Variants in TENM2 observed in about 807,000 individuals in gnomAD.
TENM2 encodes teneurin transmembrane protein 2.
Under a neutral mutation model 245.2 loss-of-function variants are expected in TENM2, and 52 were observed. The observed-to-expected ratio is 0.21, with a 90% CI of 0.17 to 0.27. TENM2 has a LOEUF of 0.27. Ranked by LOEUF, TENM2 falls within the 10% of genes least tolerant of loss-of-function variation. The pLI is 1.00. For missense variants in TENM2, 3,046 were observed against 3,666.8 expected, an observed-to-expected ratio of 0.83 and a Z score of 4.37; for synonymous variants, 1,363 against 1,438.9, an observed-to-expected ratio of 0.95 and a Z score of 1.19.
chr5:167,715,086 G>A (rs1759171370), intron 2 of TENM2, among the ~76,000 whole-genome samples: 1 of 152,118 alleles, frequency 6.6e-6, no homozygotes, highest in Non-Finnish European at 1.5e-5. Context: ...ACAGGACATA[G>A]CTTCTGACCT....
chr5:167,518,858 G>A (rs1359482698), intron 2 of TENM2, among the ~76,000 whole-genome samples: 1 of 152,112 alleles, frequency 6.6e-6, no homozygotes, highest in African/African-American at 2.4e-5. Context: ...TTGGGAGGAT[G>A]GGGGTACAGA....
At chr5:167,911,140 G>T (rs1776512655) in intron 3 of TENM2, among the ~76,000 whole-genome samples, 2 of 152,034 alleles carry the variant, frequency 1.3e-5, no homozygotes, top group South Asian at 4.1e-4. Flanking sequence ...TTTTACTTGG[G>T]ATGAATGTAA....
intron 2 of TENM2, among the ~76,000 whole-genome samples, chr5:167,738,128 C>G (rs1449138958): frequency 1.3e-5 from 2 of 152,230 alleles, no homozygotes; most frequent in Non-Finnish European, 2.9e-5. Context: ...GGCACTCCAG[C>G]AAATGCCTGG....
At chr5:167,831,447 A>G (rs1768477184) in intron 2 of TENM2, among the ~76,000 whole-genome samples, 1 of 148,034 alleles carries the variant, frequency 6.8e-6, no homozygotes, top group Non-Finnish European at 1.5e-5. Flanking sequence ...GAAGACGACC[A>G]CCAAGCAAGC....
chr5:167,218,966 T>C, the TENM2 span, among the ~76,000 whole-genome samples: 2 of 152,234 alleles, frequency 1.3e-5, no homozygotes. Context: ...GCAAAGATTG[T>C]AAAGCCAATC....
chr5:167,607,142 G>A (rs1251017963), intron 2 of TENM2, among the ~76,000 whole-genome samples: 2 of 152,064 alleles, frequency 1.3e-5, no homozygotes, highest in African/African-American at 4.8e-5. Context: ...GCTTCATTCG[G>A]CACTCTGAGT....
intron 2 of TENM2, among the ~76,000 whole-genome samples, chr5:167,824,197 T>G (rs2151055541): frequency 6.6e-6 from 1 of 152,292 alleles, no homozygotes; most frequent in Admixed American, 6.5e-5. Context: ...CTTCACTTCA[T>G]AAGGCCTCTT....
chr5:168,170,959 T>TC (rs1416311689), intron 13 of TENM2, among the ~76,000 whole-genome samples: 1 of 152,178 alleles, frequency 6.6e-6, no homozygotes, highest in Non-Finnish European at 1.5e-5. Flanking sequence ...TGACCTGTCC[T>TC]CCCCCATCCT....
At chr5:167,319,040 A>T (rs970056432) in intron 1 of TENM2, among the ~76,000 whole-genome samples, 4 of 152,098 alleles carry the variant, frequency 2.6e-5, no homozygotes, top group Non-Finnish European at 5.9e-5. Flanking sequence ...AGAGATTTTA[A>T]AAAAAAATCT....
intron 1 of TENM2, among the ~76,000 whole-genome samples, chr5:167,345,308 G>A (rs148294988): frequency 5.9e-5 from 9 of 152,296 alleles, no homozygotes; most frequent in Non-Finnish European, 1.2e-4. Flanking sequence ...GTGGTTGCAC[G>A]TGTCCATCAG....
chr5:168,157,291 C>T (rs1757269874), intron 12 of TENM2, among the ~76,000 whole-genome samples: 1 of 152,134 alleles, frequency 6.6e-6, no homozygotes, highest in Non-Finnish European at 1.5e-5. Flanking sequence ...TTGAGATAGG[C>T]TGATGTGGTA....
At chr5:167,994,272 A>G (rs1180988868) in intron 5 of TENM2, among the ~76,000 whole-genome samples, 2 of 152,248 alleles carry the variant, frequency 1.3e-5, no homozygotes, top group Non-Finnish European at 1.5e-5. Context: ...CCCAACACGT[A>G]TGCTGAAACT....
chr5:167,696,796 T>G (rs1757796827), intron 2 of TENM2, among the ~76,000 whole-genome samples: 1 of 152,190 alleles, frequency 6.6e-6, no homozygotes, highest in Non-Finnish European at 1.5e-5. Context: ...ATCTCCCAGC[T>G]GCTCCTCTTG....
At chr5:167,615,681 A>C (rs1244474822) in intron 2 of TENM2, among the ~76,000 whole-genome samples, 2 of 152,076 alleles carry the variant, frequency 1.3e-5, no homozygotes, top group African/African-American at 4.8e-5. Flanking sequence ...AACAGTCAGA[A>C]TATCTTAGTT....
intron 2 of TENM2, among the ~76,000 whole-genome samples, chr5:167,872,484 A>AAAAGAAAGAG (rs1554135814): frequency 1.0e-5 from 1 of 99,654 alleles, no homozygotes; most frequent in Non-Finnish European, 2.1e-5. Context: ...GAAAGAAAGA[A>AAAAGAAAGAG]AAAGAAAGAA....
chr5:167,493,758 T>G (rs980475688), intron 2 of TENM2, among the ~76,000 whole-genome samples: 1 of 152,086 alleles, frequency 6.6e-6, no homozygotes, highest in Non-Finnish European at 1.5e-5. Flanking sequence ...GGTCCACTCA[T>G]TTATTCGGCA....
chr5:167,809,125 C>A (rs1485545405), intron 2 of TENM2, among the ~76,000 whole-genome samples: 1 of 152,276 alleles, frequency 6.6e-6, no homozygotes, highest in Non-Finnish European at 1.5e-5. Context: ...TTACACAAGA[C>A]GCTGTCTCAG....
chr5:167,326,207 C>A (rs1413943583), intron 1 of TENM2, among the ~76,000 whole-genome samples: 1 of 152,052 alleles, frequency 6.6e-6, no homozygotes, highest in Admixed American at 6.6e-5. Flanking sequence ...CCTATAAGAT[C>A]AGTTTGGTAA....
At chr5:167,501,314 T>C (rs1188891561) in intron 2 of TENM2, among the ~76,000 whole-genome samples, 2 of 152,138 alleles carry the variant, frequency 1.3e-5, no homozygotes, top group Non-Finnish European at 2.9e-5. Flanking sequence ...GGCATGGCCC[T>C]CTCTTCAGGT....
Sources: allele counts gnomAD v4.1 joint callset (sites outside exome capture counted in the v4.1 genomes callset), GRCh38; gene constraint gnomAD v4.1.1; transcripts MANE v1.5; gene names NCBI Gene and HGNC (gene_info 2026-07-23, HGNC 2026-07-21).